PPFIA2: variants seen among roughly 807,000 people sequenced by gnomAD.
PPFIA2 encodes the protein liprin-alpha-2.
PPFIA2 carries 46 observed loss-of-function variants against 175.5 expected under a neutral mutation model. The ratio of observed to expected loss-of-function variants is 0.26; its 90% confidence interval spans 0.21 to 0.34. The LOEUF (loss-of-function observed/expected upper bound fraction) is 0.34, where lower values mean the gene tolerates loss of function less well. Among genes scored for constraint, PPFIA2 ranks in the 10% least tolerant of loss-of-function variants. PPFIA2 has a pLI of 1.00. For missense variants in PPFIA2, 1,179 were observed against 1,506.1 expected (o/e 0.78, Z 3.60); for synonymous variants, 568 against 511.4 (o/e 1.11, Z -1.49).
intron 8 of PPFIA2, among the ~76,000 whole-genome samples, chr12:81,389,758 T>G (rs967475598): frequency 1.3e-5 from 2 of 152,116 alleles, no homozygotes; most frequent in Admixed American, 6.6e-5. Context: ...GACAAATGGC[T>G]GTATTAAAAG....
intron 4 of PPFIA2, among the ~76,000 whole-genome samples, chr12:81,606,026 T>C (rs927969022): frequency 1.3e-5 from 2 of 151,966 alleles, no homozygotes; most frequent in Non-Finnish European, 2.9e-5. Context: ...GACGTCCCTC[T>C]GTACTCAATG....
At chr12:81,517,665 T>A (rs2062628455) in intron 4 of PPFIA2, among the ~76,000 whole-genome samples, 1 of 152,152 alleles carries the variant, frequency 6.6e-6, no homozygotes, top group East Asian at 1.9e-4. Context: ...TAGCTTTCCA[T>A]ATTCTGCAAT....
intron 3 of PPFIA2, among the ~76,000 whole-genome samples, chr12:81,687,891 A>C (rs2074665899): frequency 6.6e-6 from 1 of 152,020 alleles, no homozygotes; most frequent in African/African-American, 2.4e-5. Context: ...GTGTAAAATA[A>C]AGATAGGCTA....
At chr12:81,608,009 G>A (rs933611276) in intron 4 of PPFIA2, among the ~76,000 whole-genome samples, 3 of 152,026 alleles carry the variant, frequency 2.0e-5, no homozygotes, top group Non-Finnish European at 4.4e-5. Flanking sequence ...ATGAAGAGAT[G>A]TTGAATTTTA....
chr12:81,279,764 C>A (rs2041599525), intron 27 of PPFIA2, among the ~76,000 whole-genome samples: 2 of 151,508 alleles, frequency 1.3e-5, no homozygotes, highest in Non-Finnish European at 2.9e-5. Flanking sequence ...AAAACCGGAC[C>A]CCAAAAATCT....
intron 4 of PPFIA2, among the ~76,000 whole-genome samples, chr12:81,547,720 CTA>C (rs2067224801): frequency 6.6e-6 from 1 of 152,120 alleles, no homozygotes. Flanking sequence ...TGTTGACACT[CTA>C]TAAAAATTCC....
intron 4 of PPFIA2, among the ~76,000 whole-genome samples, chr12:81,549,740 T>G (rs1299381084): frequency 1.3e-5 from 2 of 151,904 alleles, no homozygotes; most frequent in African/African-American, 4.8e-5. Context: ...AATCAGAATA[T>G]AAGGCATTCT....
At chr12:81,735,401 G>A (rs1313229587) in intron 3 of PPFIA2, among the ~76,000 whole-genome samples, 1 of 151,806 alleles carries the variant, frequency 6.6e-6, no homozygotes, top group African/African-American at 2.4e-5. Flanking sequence ...CATCACTGAT[G>A]AAATGTCTAT....
intron 4 of PPFIA2, among the ~76,000 whole-genome samples, chr12:81,524,746 T>G (rs1042762875): frequency 6.6e-6 from 1 of 152,192 alleles, no homozygotes; most frequent in South Asian, 2.1e-4. Flanking sequence ...GAGAAGGACA[T>G]GCCTTTTTGG....
chr12:81,614,807 CT>C (rs2061287624), intron 4 of PPFIA2, among the ~76,000 whole-genome samples: 1 of 152,002 alleles, frequency 6.6e-6, no homozygotes, highest in Non-Finnish European at 1.5e-5. Context: ...TCTAGTAAAT[CT>C]TCTAGAATAG....
At chr12:81,643,772 C>T (rs929167989) in intron 4 of PPFIA2, among the ~76,000 whole-genome samples, 2 of 151,826 alleles carry the variant, frequency 1.3e-5, no homozygotes, top group African/African-American at 2.4e-5. Context: ...TATTATTCTG[C>T]GATTTTGTCG....
At chr12:81,625,834 T>A (rs2062633402) in intron 4 of PPFIA2, among the ~76,000 whole-genome samples, 1 of 148,094 alleles carries the variant, frequency 6.8e-6, no homozygotes, top group Non-Finnish European at 1.5e-5. Flanking sequence ...AGCTATTTTA[T>A]ATATTATTAA....
In PPFIA2 at chr12:81,414,689, GCTTCTACACAGATA is replaced by G. The variant is rs1335769185; in HGVS notation, c.646-8800_646-8787del. On this transcript the variant is annotated intron_variant, in intron 7 of 32. Coordinates refer to ENST00000549396, the MANE Select transcript of PPFIA2 (RefSeq NM_003625.5). ...GTCTCACTACACCAACACATAATTT[GCTTCTACACAGATA>G]CTTATTCTACTTCTAGCTGAATTCC... 1.1e-4 allele frequency among the ~76,000 whole-genome samples: 17 copies of G among 151,418 alleles called. 1 individual carries two copies.
At chr12:81,337,023 C>A (rs2057243346) in intron 21 of PPFIA2, among the ~76,000 whole-genome samples, 1 of 152,110 alleles carries the variant, frequency 6.6e-6, no homozygotes, top group South Asian at 2.1e-4. Context: ...CCAAAGCAGA[C>A]CTAAAACTGG....
intron 4 of PPFIA2, among the ~76,000 whole-genome samples, chr12:81,604,580 A>G (rs2060102651): frequency 7.1e-6 from 1 of 140,646 alleles, no homozygotes; most frequent in South Asian, 2.3e-4. Context: ...TTATCATAAA[A>G]CTATTTCAAT....
At chr12:81,266,872 C>A (rs1294987736) in intron 30 of PPFIA2, 80 bp downstream of exon 30, 13 of 967,318 alleles carry the variant, frequency 1.3e-5, no homozygotes, top group Non-Finnish European at 2.0e-5. Flanking sequence ...AATTTCCAAG[C>A]ACTATTCCTT....
intron 4 of PPFIA2, among the ~76,000 whole-genome samples, chr12:81,541,905 C>A (rs555288191): frequency 6.6e-6 from 1 of 151,748 alleles, no homozygotes; most frequent in African/African-American, 2.4e-5. Context: ...TACAGACAAG[C>A]AAGCTTTGAA....
intron 18 of PPFIA2, 98 bp downstream of exon 18, chr12:81,347,435 A>G: frequency 2.0e-6 from 2 of 1,020,006 alleles, no homozygotes; most frequent in Non-Finnish European, 3.1e-6. Flanking sequence ...TAAAATACAC[A>G]GAAAGTACTT....
At chr12:81,591,814 G>A in intron 4 of PPFIA2, among the ~76,000 whole-genome samples, 1 of 152,156 alleles carries the variant, frequency 6.6e-6, no homozygotes, top group East Asian at 1.9e-4. Flanking sequence ...TTCTGCAGGG[G>A]TGGGGTCCTC....
Sources: allele counts gnomAD v4.1 joint callset (sites outside exome capture counted in the v4.1 genomes callset), GRCh38; gene constraint gnomAD v4.1.1; transcripts MANE v1.5; gene names NCBI Gene and HGNC (gene_info 2026-07-23, HGNC 2026-07-21).